UBAP1: variants seen among roughly 807,000 people sequenced by gnomAD.
The protein encoded by UBAP1 is ubiquitin-associated protein 1.
A neutral mutation model predicts 39.0 loss-of-function variants in UBAP1; 5 were observed. The observed-to-expected ratio is 0.13, with a 90% CI of 0.07 to 0.27. UBAP1 has a LOEUF of 0.27. Among genes scored for constraint, UBAP1 ranks in the 10% least tolerant of loss-of-function variants. The probability of loss-of-function intolerance (pLI) is 1.00; values close to 1 mark genes in which losing one functional copy is unlikely to be tolerated. For synonymous variants in UBAP1, 211 were observed against 225.1 expected (o/e 0.94, Z 0.56); for missense variants, 490 against 608.1 (o/e 0.81, Z 2.04).
At chr9:34,223,004 T>A (rs1832843945) in intron 2 of UBAP1, among the ~76,000 whole-genome samples, 1 of 152,344 alleles carries the variant, frequency 6.6e-6, no homozygotes, top group African/African-American at 2.4e-5. Flanking sequence ...TTTTGAATCT[T>A]TGGAACATCT....
chr9:34,209,060 G>A (rs994140574), intron 1 of UBAP1, among the ~76,000 whole-genome samples: 33 of 151,834 alleles, frequency 2.2e-4, no homozygotes, highest in African/African-American at 4.4e-4. Flanking sequence ...TCAGCCTCCC[G>A]TGTAGCTGGG....
chr9:34,230,297 C>T (rs531572359), intron 2 of UBAP1, among the ~76,000 whole-genome samples: 82 of 152,274 alleles, frequency 5.4e-4, no homozygotes, highest in African/African-American at 1.9e-3. Context: ...AACTCCTGAC[C>T]TCATGATCCG....
In UBAP1 at chr9:34,181,969, A is replaced by T. The variant is rs535267019; in HGVS notation, c.-8+2729A>T. Among the ~76,000 whole-genome samples, 88 of 143,526 alleles carry T rather than the reference A, an allele frequency of 6.1e-4. 5 individuals are homozygous for T. The highest frequency in any genetic ancestry group is 1.3e-3 in the African/African-American group (52 of 38,552). 94.2% of individuals were successfully genotyped at this position (143,526 alleles called of 152,430 possible). Reference sequence around the variant, plus strand: ...ATTGTTAGTGCATTTTTTAATTAAAATTTTTTTTTTTGTAGAGAAGGGGTC... The same window carrying T: ...ATTGTTAGTGCATTTTTTAATTAAATTTTTTTTTTTTGTAGAGAAGGGGTC... On this transcript the variant is annotated intron_variant, in intron 1 of 6. Transcript: ENST00000297661.
At chr9:34,183,360 G>A (rs977050326) in intron 1 of UBAP1, among the ~76,000 whole-genome samples, 9 of 151,480 alleles carry the variant, frequency 5.9e-5, no homozygotes, top group Non-Finnish European at 1.3e-4. Flanking sequence ...TGGCTAACAC[G>A]GTGAAATCCC....
At position 34,203,579 on chromosome 9, in the gene UBAP1, A is replaced by G. The variant is rs565904458; in HGVS notation, c.-7-17329A>G. Among the ~76,000 whole-genome samples, 13 of 152,334 alleles carry G rather than the reference A, an allele frequency of 8.5e-5. No homozygotes were observed. Among genetic ancestry groups the G allele is most frequent in the Admixed American group, 7.2e-4 (11 of 15,292 alleles). On this transcript the variant is annotated intron_variant, in intron 1 of 6. Transcript: ENST00000297661. ...CAATAAACAAATCCTGAATAAATTGATAAGCTACAAATATATATTTGTTTC... is the reference window on the plus strand; with the variant it reads ...CAATAAACAAATCCTGAATAAATTGGTAAGCTACAAATATATATTTGTTTC...
At chr9:34,188,371 A>G (rs964980398) in intron 1 of UBAP1, among the ~76,000 whole-genome samples, 1 of 151,020 alleles carries the variant, frequency 6.6e-6, no homozygotes, top group African/African-American at 2.4e-5. Flanking sequence ...TGATGGGTAA[A>G]TAGAAGAGAG....
At chr9:34,190,804 T>TC (rs1028118165) in intron 1 of UBAP1, among the ~76,000 whole-genome samples, 1 of 143,310 alleles carries the variant, frequency 7.0e-6, no homozygotes, top group Non-Finnish European at 1.5e-5. Flanking sequence ...GCCTGGCTCT[T>TC]TTTTTTTTTT....
chr9:34,184,156 T>G (rs552497593), intron 1 of UBAP1, among the ~76,000 whole-genome samples: 1 of 152,278 alleles, frequency 6.6e-6, no homozygotes, highest in African/African-American at 2.4e-5. Context: ...TACAGTGTCC[T>G]GTAACATTAG....
rs987429819 is a variant in UBAP1, at chr9:34,189,055, C to A, written c.-8+9815C>A. On this transcript the variant is annotated intron_variant, in intron 1 of 6. Coordinates refer to ENST00000297661, the MANE Select transcript of UBAP1 (RefSeq NM_016525.5). ...GTCCCAGGTGGGGTTTGCATCCTTA[C>A]TGGTAAGAATGGAATCTTCCTAATC... Among the ~76,000 whole-genome samples the A allele has an allele frequency of 2.0e-5, 3 of 152,162 alleles. No homozygotes were observed. In the South Asian group the frequency reaches 6.2e-4, roughly 32 times the overall value.
At chr9:34,247,681 C>T (rs530919576) in intron 4 of UBAP1, among the ~76,000 whole-genome samples, 10 of 152,116 alleles carry the variant, frequency 6.6e-5, no homozygotes, top group Non-Finnish European at 5.9e-5. Context: ...GCCTTGCCCC[C>T]CAAAGTGCTG....
intron 2 of UBAP1, among the ~76,000 whole-genome samples, chr9:34,223,052 T>G (rs1238074945): frequency 6.6e-6 from 1 of 152,260 alleles, no homozygotes; most frequent in African/African-American, 2.4e-5. Context: ...CCACATGTTT[T>G]GTGTTTCAAC....
rs1164942551 is a variant in UBAP1 at position 34,182,660 on chromosome 9, TTTCTTTCTTTC to T, written c.-8+3423_-8+3433del. Among the ~76,000 whole-genome samples, 95 of 58,802 alleles carry T rather than the reference TTTCTTTCTTTC, an allele frequency of 1.6e-3. 1 individual carries two copies. The highest frequency in any genetic ancestry group is 6.9e-3 in the Middle Eastern group (1 of 144). 38.6% of individuals were successfully genotyped at this position (58,802 alleles called of 152,430 possible). ...CTTTCTTTCTTTCTTTCTTTCTTTC[TTTCTTTCTTTC>T]TTTCTTTCTTTCTCTCTCTCTTTCT... On this transcript the variant is annotated intron_variant, in intron 1 of 6. Coordinates refer to ENST00000297661, the MANE Select transcript of UBAP1 (RefSeq NM_016525.5).
At chr9:34,226,133 G>A (rs145386714) in intron 2 of UBAP1, among the ~76,000 whole-genome samples, 14 of 143,252 alleles carry the variant, frequency 9.8e-5, no homozygotes, top group Admixed American at 2.8e-4. Flanking sequence ...GTGTGTGTGT[G>A]TGTGTGTGTG....
chr9:34,230,169 T>A (rs1030608492), intron 2 of UBAP1, among the ~76,000 whole-genome samples: 2 of 152,062 alleles, frequency 1.3e-5, no homozygotes, highest in African/African-American at 4.8e-5. Context: ...GTTAAAGCAA[T>A]TCTCCTGCTT....
intron 2 of UBAP1, among the ~76,000 whole-genome samples, chr9:34,229,703 A>C (rs1475846626): frequency 1.4e-5 from 2 of 139,942 alleles, no homozygotes; most frequent in Non-Finnish European, 3.1e-5. Context: ...ACGCCCAGCT[A>C]ATTTTTTGTA....
chr9:34,230,327 T>C (rs1157010186), intron 2 of UBAP1, among the ~76,000 whole-genome samples: 3 of 151,882 alleles, frequency 2.0e-5, no homozygotes, highest in Non-Finnish European at 4.4e-5. Flanking sequence ...GCCTCTCAAA[T>C]TGCTGGGATT....
chr9:34,250,097 T>G, intron 5 of UBAP1, 136 bp downstream of exon 5: 6 of 916,214 alleles, frequency 6.5e-6, no homozygotes, highest in African/African-American at 1.7e-5. Context: ...GGGCATGTTT[T>G]GGGGAAAGCC....
Position 34,234,208 on chromosome 9 carries a change from G to C in UBAP1, c.35-8G>C. 6.3e-7 allele frequency: 1 copy of C among 1,589,256 alleles called. No homozygotes were observed. Among genetic ancestry groups the C allele is most frequent in the East Asian group, 2.2e-5 (1 of 44,658 alleles). On this transcript the variant is annotated splice_region_variant and splice_polypyrimidine_tract_variant and intron_variant, in intron 2 of 6. Coordinates refer to ENST00000297661, the MANE Select transcript of UBAP1 (RefSeq NM_016525.5). ...TGCTGATATTTTCTACTTTATTTTT[G>C]ATTATAGGGACTTTCAGTTACCTTG...
chr9:34,190,159 A>G (rs952500147), intron 1 of UBAP1, among the ~76,000 whole-genome samples: 1 of 152,246 alleles, frequency 6.6e-6, no homozygotes, highest in Non-Finnish European at 1.5e-5. Flanking sequence ...AAACCTTCAC[A>G]TGTACCCCTG....
Sources: allele counts gnomAD v4.1 joint callset (sites outside exome capture counted in the v4.1 genomes callset), GRCh38; gene constraint gnomAD v4.1.1; transcripts MANE v1.5; gene names NCBI Gene and HGNC (gene_info 2026-07-23, HGNC 2026-07-21).